Variants in NRG4 observed in about 807,000 individuals in gnomAD.
The protein encoded by NRG4 is neuregulin 4, also known as pro-neuregulin-4, membrane-bound isoform.
Under a neutral mutation model 15.0 loss-of-function variants are expected in NRG4, and 10 were observed. The ratio of observed to expected loss-of-function variants is 0.67; its 90% CI spans 0.41 to 1.13. The LOEUF is 1.13. NRG4 is among the 50% of genes most tolerant of loss of function. The pLI is 0.00. For synonymous variants in NRG4, 41 were observed against 50.1 expected (o/e 0.82, Z 0.77); for missense variants, 139 against 140.2 (o/e 0.99, Z 0.04).
intron 4 of NRG4, among the ~76,000 whole-genome samples, chr15:76,051,603 G>T (rs1409749976): frequency 7.0e-6 from 1 of 142,092 alleles, no homozygotes; most frequent in East Asian, 2.0e-4. Flanking sequence ...TCGCTCTGTC[G>T]CCCAGGCTGG....
At chr15:76,022,585 T>C (rs1041159183) in intron 5 of NRG4, among the ~76,000 whole-genome samples, 2 of 152,148 alleles carry the variant, frequency 1.3e-5, no homozygotes, top group Admixed American at 6.5e-5. Context: ...AGAAGGAAGA[T>C]CTAATGTATT....
At chr15:76,039,664 G>A (rs1398065274) in intron 4 of NRG4, among the ~76,000 whole-genome samples, 1 of 152,104 alleles carries the variant, frequency 6.6e-6, no homozygotes, top group African/African-American at 2.4e-5. Context: ...TTAAAGAGAA[G>A]GTAGAGAGAG....
At chr15:75,964,647 C>T (rs558187228) in intron 3 of NRG4, among the ~76,000 whole-genome samples, 1 of 152,140 alleles carries the variant, frequency 6.6e-6, no homozygotes, top group African/African-American at 2.4e-5. Context: ...AAATTCAGGC[C>T]GGGCACAGTG....
Position 75,989,714 on chromosome 15 carries a change from G to A in NRG4, c.104+19486C>T, listed in dbSNP as rs146337718. On this transcript the variant is annotated intron_variant, in intron 3 of 5. Transcript: ENST00000394907. ...ATTTATAGTAACTGCTTTAAATCTC[G>A]TTTGCTAATTCCATCATTGCTGACA... Among the ~76,000 whole-genome samples, 1,363 of 151,630 alleles carry A rather than the reference G, an allele frequency of 9.0e-3. 22 individuals are homozygous for A. Among genetic ancestry groups the A allele is most frequent in the African/African-American group, 0.031 (1,296 of 41,350 alleles).
chr15:76,024,853 G>A (rs2035261625), intron 5 of NRG4, among the ~76,000 whole-genome samples: 1 of 152,184 alleles, frequency 6.6e-6, no homozygotes, highest in East Asian at 1.9e-4. Flanking sequence ...CCACCAAACT[G>A]ACACCCCAAG....
chr15:75,958,888 C>A (rs1303389490), intron 4 of NRG4: 1 of 168,938 alleles, frequency 5.9e-6, no homozygotes, highest in Non-Finnish European at 1.3e-5. Flanking sequence ...CTGTGGGGTA[C>A]AATATACTAT....
intron 3 of NRG4, among the ~76,000 whole-genome samples, chr15:75,966,771 T>C (rs776205641): frequency 1.3e-5 from 2 of 151,938 alleles, no homozygotes; most frequent in African/African-American, 2.4e-5. Flanking sequence ...AAAAAACAAA[T>C]CAAAAATGAA....
Position 75,995,514 on chromosome 15 carries a change from C to T in NRG4, c.104+13686G>A, listed in dbSNP as rs188471835. Among the ~76,000 whole-genome samples the T allele has an allele frequency of 1.6e-4, 25 of 152,122 alleles. No individual in the cohort carries two copies. The East Asian group carries it at 4.5e-3, about 27-fold the overall frequency. On this transcript the variant is annotated intron_variant, in intron 3 of 5. Transcript: ENST00000394907. ...ATGATCCAAACACCTCCCACTAGGC[C>T]CCCCCGCCCCAAACACTAGGGATCA...
At chr15:75,959,146 T>C (rs530074222) in intron 4 of NRG4, 74 of 419,822 alleles carry the variant, frequency 1.8e-4, no homozygotes, top group South Asian at 1.1e-3. Context: ...CACACCTGGA[T>C]AATTAAAAAA....
chr15:75,999,159 AT>A (rs1453644399), intron 3 of NRG4, among the ~76,000 whole-genome samples: 2 of 152,224 alleles, frequency 1.3e-5, no homozygotes, highest in Non-Finnish European at 2.9e-5. Context: ...CATTTAATAA[AT>A]ATTTATTGAG....
intron 3 of NRG4, among the ~76,000 whole-genome samples, chr15:75,968,519 AGAGGTTG>A (rs1002745425): frequency 9.9e-5 from 15 of 151,030 alleles, no homozygotes; most frequent in African/African-American, 3.4e-4. Context: ...CCCAGGAGGC[AGAGGTTG>A]CAGTGAGCCA....
chr15:76,058,801 G>A (rs1332641245), intron 1 of NRG4, among the ~76,000 whole-genome samples: 1 of 152,198 alleles, frequency 6.6e-6, no homozygotes, highest in Non-Finnish European at 1.5e-5. Flanking sequence ...AGAATTGGTG[G>A]AGAAGACAAA....
intron 5 of NRG4, among the ~76,000 whole-genome samples, chr15:76,034,757 T>C (rs1362741038): frequency 6.6e-6 from 1 of 152,152 alleles, no homozygotes; most frequent in East Asian, 1.9e-4. Context: ...CACTAATCCC[T>C]GCAAAATTCC....
chr15:75,963,233 G>A (rs986136778), intron 3 of NRG4, among the ~76,000 whole-genome samples: 2 of 152,216 alleles, frequency 1.3e-5, no homozygotes, highest in Admixed American at 1.3e-4. Context: ...TTCCCGGGGC[G>A]GTATCAGTTA....
At chr15:75,997,091 A>T (rs1361421980) in intron 3 of NRG4, among the ~76,000 whole-genome samples, 3 of 152,112 alleles carry the variant, frequency 2.0e-5, no homozygotes, top group African/African-American at 7.2e-5. Flanking sequence ...CAGAGAGCTG[A>T]TGTTATACAT....
At chr15:76,003,459 G>A (rs2034486267) in intron 3 of NRG4, among the ~76,000 whole-genome samples, 2 of 151,864 alleles carry the variant, frequency 1.3e-5, no homozygotes, top group Non-Finnish European at 2.9e-5. Context: ...ACCATCAAAT[G>A]GACCAACATA....
rs910894858 is a variant in NRG4, at chr15:76,022,869, G to A, written c.-56-11583C>T. 3.9e-5 allele frequency among the ~76,000 whole-genome samples: 6 copies of A among 152,108 alleles called. 1 individual carries two copies. Among genetic ancestry groups the A allele is most frequent in the Non-Finnish European group, 1.5e-5 (1 of 68,026 alleles). On this transcript the variant is annotated intron_variant, in intron 5 of 8. Transcript: ENST00000563910. ...GGAATCTGCTGAGGAAATGGTATCA[G>A]AGAAAGCAGTTTGGAGGCTGTTTTA...
chr15:75,966,003 T>C (rs2032774883), intron 3 of NRG4, among the ~76,000 whole-genome samples: 1 of 152,206 alleles, frequency 6.6e-6, no homozygotes. Context: ...ATCACCCATG[T>C]TTTCCTGGAA....
At chr15:75,993,292 T>TG (rs911328726) in intron 3 of NRG4, among the ~76,000 whole-genome samples, 2 of 136,668 alleles carry the variant, frequency 1.5e-5, no homozygotes, top group African/African-American at 6.0e-5. Flanking sequence ...TAAATATTGT[T>TG]TTTTTTTTTT....
Sources: gnomAD v4.1 joint callset for allele counts (sites outside exome capture counted in the v4.1 genomes callset) on GRCh38, gnomAD v4.1.1 for gene constraint, MANE v1.5 for transcripts, NCBI Gene and HGNC (gene_info 2026-07-23, HGNC 2026-07-21) for gene names.